Variants in SPAG6 observed in about 807,000 individuals in gnomAD.
SPAG6 encodes the protein sperm associated antigen 6.
Under a neutral mutation model 58.5 loss-of-function variants are expected in SPAG6, and 49 were observed. The ratio of observed to expected loss-of-function variants is 0.84; its 90% confidence interval spans 0.67 to 1.06. SPAG6 has a LOEUF of 1.06. SPAG6 is among the 50% of genes least tolerant of loss of function. The pLI is 0.00. For missense variants in SPAG6, 560 were observed against 611.3 expected, an observed-to-expected ratio of 0.92 and a Z score of 0.89; for synonymous variants, 233 against 225.6, an observed-to-expected ratio of 1.03 and a Z score of -0.29.
intron 4 of SPAG6, among the ~76,000 whole-genome samples, chr10:22,378,088 G>T (rs1833865208): frequency 8.2e-6 from 1 of 122,630 alleles, no homozygotes; most frequent in South Asian, 2.5e-4. Flanking sequence ...TTTTGAGACA[G>T]AGTCTGACTC....
chr10:22,387,767 T>C (rs1288434861), intron 5 of SPAG6, 56 bp from the exon 6 acceptor site: 5 of 1,523,318 alleles, frequency 3.3e-6, no homozygotes, highest in African/African-American at 1.4e-5. Flanking sequence ...ACATCTGAAC[T>C]CTGTAGTGGA....
At chr10:22,366,150 G>A (rs559738019) in intron 3 of SPAG6, among the ~76,000 whole-genome samples, 1 of 152,278 alleles carries the variant, frequency 6.6e-6, no homozygotes, top group South Asian at 2.1e-4. Context: ...ATAGCCAAAA[G>A]GTGAAAGCAA....
At chr10:22,358,769 G>A (rs1836946436) in intron 2 of SPAG6, among the ~76,000 whole-genome samples, 1 of 152,166 alleles carries the variant, frequency 6.6e-6, no homozygotes, top group Non-Finnish European at 1.5e-5. Flanking sequence ...TAAGGAGTAA[G>A]GAAGGGATCC....
At chr10:22,362,413 AT>A (rs1837070926) in intron 2 of SPAG6, among the ~76,000 whole-genome samples, 1 of 151,828 alleles carries the variant, frequency 6.6e-6, no homozygotes, top group Non-Finnish European at 1.5e-5. Context: ...GCATTGACTT[AT>A]TTTAATTAAA....
At position 22,407,673 on chromosome 10, in the gene SPAG6, C is replaced by G. The variant is rs368538824; in HGVS notation, c.1315-3358C>G. On this transcript the variant is annotated intron_variant, in intron 9 of 10. Coordinates refer to ENST00000376624, the MANE Select transcript of SPAG6 (RefSeq NM_012443.4). ...GGCGTTCTCTGTATTTCCTGAATCTCAATGTTGGCCTGCCTTGCTAGATTG... is the reference window on the plus strand; with the variant it reads ...GGCGTTCTCTGTATTTCCTGAATCTGAATGTTGGCCTGCCTTGCTAGATTG... Among the ~76,000 whole-genome samples, 30 of 152,166 alleles carry G rather than the reference C, an allele frequency of 2.0e-4. No homozygotes were observed. In the South Asian group the frequency reaches 2.3e-3, roughly 12 times the overall value.
chr10:22,375,655 G>A (rs1357055420), intron 4 of SPAG6, among the ~76,000 whole-genome samples: 5 of 144,936 alleles, frequency 3.4e-5, no homozygotes, highest in South Asian at 2.2e-4. Flanking sequence ...GTGTGATCTC[G>A]GCAACTTCCC....
chr10:22,392,165 T>A (rs569612422), intron 8 of SPAG6, among the ~76,000 whole-genome samples: 16 of 152,312 alleles, frequency 1.1e-4, no homozygotes, highest in Admixed American at 8.5e-4. Context: ...CAGTCTACAT[T>A]CCTGTTGACT....
chr10:22,406,170 C>G (rs536926274), intron 9 of SPAG6, among the ~76,000 whole-genome samples: 13 of 152,108 alleles, frequency 8.5e-5, no homozygotes, highest in African/African-American at 3.1e-4. Context: ...TATTTCTTGC[C>G]TTCTGCTAGC....
At chr10:22,373,150 T>C (rs987822354) in intron 4 of SPAG6, among the ~76,000 whole-genome samples, 7 of 152,196 alleles carry the variant, frequency 4.6e-5, no homozygotes, top group Non-Finnish European at 2.9e-5. Context: ...TGTCCAGCTC[T>C]GTGGCAGTTG....
chr10:22,406,009 C>A (rs1382237776), intron 9 of SPAG6, among the ~76,000 whole-genome samples: 2 of 152,080 alleles, frequency 1.3e-5, no homozygotes, highest in Non-Finnish European at 2.9e-5. Context: ...TTTATTGCGT[C>A]TATCTGATTC....
chr10:22,379,474 G>T (rs1464146859), intron 4 of SPAG6, among the ~76,000 whole-genome samples: 1 of 152,112 alleles, frequency 6.6e-6, no homozygotes, highest in African/African-American at 2.4e-5. Context: ...CCTCTCTTTT[G>T]AATCACTCAC....
intron 9 of SPAG6, 54 bp downstream of exon 9, chr10:22,401,331 AT>A (rs934245572): frequency 8.5e-4 from 733 of 862,882 alleles, no homozygotes; most frequent in Non-Finnish European, 9.5e-4. Context: ...ATTTGTTGTT[AT>A]TTTTTTTTTC....
At chr10:22,392,912 GT>G (rs1834214281) in intron 8 of SPAG6, among the ~76,000 whole-genome samples, 1 of 151,934 alleles carries the variant, frequency 6.6e-6, no homozygotes, top group African/African-American at 2.4e-5. Context: ...AGAGAAATTG[GT>G]TTCTAAGATT....
At chr10:22,376,268 C>T (rs1021632765) in intron 4 of SPAG6, among the ~76,000 whole-genome samples, 1 of 152,068 alleles carries the variant, frequency 6.6e-6, no homozygotes, top group African/African-American at 2.4e-5. Flanking sequence ...GCAAAATACA[C>T]ACTAGATTCC....
At chr10:22,379,126 A>T (rs1008661598) in intron 4 of SPAG6, among the ~76,000 whole-genome samples, 2 of 152,178 alleles carry the variant, frequency 1.3e-5, no homozygotes, top group Non-Finnish European at 2.9e-5. Context: ...ATCACTCGAG[A>T]CTTTTACATA....
At chr10:22,403,896 C>A (rs1372642909) in intron 9 of SPAG6, among the ~76,000 whole-genome samples, 1 of 151,516 alleles carries the variant, frequency 6.6e-6, no homozygotes, top group Non-Finnish European at 1.5e-5. Context: ...TGATGGTGAG[C>A]ATTTTTTCAT....
At chr10:22,386,441 GA>G (rs2132079961) in intron 4 of SPAG6, among the ~76,000 whole-genome samples, 1 of 149,914 alleles carries the variant, frequency 6.7e-6, no homozygotes, top group Non-Finnish European at 1.5e-5. Flanking sequence ...GAGAAGTGCA[GA>G]ATTGTCAGAG....
intron 9 of SPAG6, among the ~76,000 whole-genome samples, chr10:22,401,726 G>A (rs7099268): frequency 0.17 from 25,310 of 152,142 alleles, 6,322 homozygotes; most frequent in African/African-American, 0.55. Flanking sequence ...GACTTATTTT[G>A]TGAACAATTT....
At position 22,345,884 on chromosome 10, in the gene SPAG6, G is replaced by A. The variant is rs1946018450; in HGVS notation, c.121+66G>A. ...GAGTCCCCGACGCCTCCGCCCCGCT[G>A]CCCTGCCCGTGGAGCTCTTGGGGAG... On this transcript the variant is annotated intron_variant, in intron 2 of 10. Coordinates refer to ENST00000376624, the MANE Select transcript of SPAG6 (RefSeq NM_012443.4). This position sits in a 1 kb window ranked among gnomAD's most constrained non-coding sequence, Gnocchi z 6.3. The A allele has an allele frequency of 6.3e-7, 1 of 1,580,136 alleles. No homozygotes were observed. The highest frequency in any genetic ancestry group is 1.8e-5 in the Admixed American group (1 of 54,900).
Sources: gnomAD v4.1 joint callset for allele counts (sites outside exome capture counted in the v4.1 genomes callset) on GRCh38, gnomAD v4.1.1 for gene constraint, Gnocchi (gnomAD v3.1) non-coding constraint, MANE v1.5 for transcripts, NCBI Gene and HGNC (gene_info 2026-07-23, HGNC 2026-07-21) for gene names.